Variants in SUMF1 observed in about 807,000 individuals in gnomAD.
SUMF1 encodes the protein sulfatase modifying factor 1, also known as formylglycine-generating enzyme.
SUMF1 carries 48 observed loss-of-function variants against 47.6 expected under a neutral mutation model. The ratio of observed to expected loss-of-function variants is 1.01; its 90% CI spans 0.80 to 1.28. SUMF1 has a LOEUF of 1.28. Among genes scored for constraint, SUMF1 ranks in the 50% most tolerant of loss-of-function variants. The pLI, the probability that SUMF1 is intolerant of heterozygous loss-of-function variation, is 0.00. For missense variants in SUMF1, 571 were observed against 485.4 expected (o/e 1.18, Z -1.66); for synonymous variants, 230 against 192.1 (o/e 1.20, Z -1.63).
At chr3:4,052,755 G>T (rs1559429455) in intron 9 of SUMF1, among the ~76,000 whole-genome samples, 1 of 152,124 alleles carries the variant, frequency 6.6e-6, no homozygotes, top group Non-Finnish European at 1.5e-5. Context: ...TTGTGGGTTT[G>T]GTCCTAGACC....
intron 8 of SUMF1, among the ~76,000 whole-genome samples, chr3:4,354,277 A>G (rs1340968197): frequency 2.0e-5 from 3 of 152,218 alleles, no homozygotes; most frequent in Non-Finnish European, 2.9e-5. Flanking sequence ...TACCCAAACA[A>G]CTATTCTCTA....
At chr3:4,344,002 T>C (rs1342509699) in intron 8 of SUMF1, among the ~76,000 whole-genome samples, 1 of 152,198 alleles carries the variant, frequency 6.6e-6, no homozygotes, top group Non-Finnish European at 1.5e-5. Context: ...CAAAATAAAT[T>C]AAATGAATAG....
chr3:4,380,658 C>T (rs1388662677), intron 7 of SUMF1, among the ~76,000 whole-genome samples: 3 of 152,156 alleles, frequency 2.0e-5, no homozygotes, highest in Non-Finnish European at 2.9e-5. Context: ...CAGGAACCAT[C>T]GTGAATCCTG....
At chr3:4,041,422 C>A (rs773274877) in intron 9 of SUMF1, among the ~76,000 whole-genome samples, 5 of 152,156 alleles carry the variant, frequency 3.3e-5, no homozygotes, top group Admixed American at 6.6e-5. Flanking sequence ...ATTTCCCTTT[C>A]ACGTTCACCT....
At chr3:4,379,749 G>C (rs1035304412) in intron 7 of SUMF1, among the ~76,000 whole-genome samples, 1 of 149,962 alleles carries the variant, frequency 6.7e-6, no homozygotes, top group Admixed American at 6.8e-5. Flanking sequence ...GGCTGAGGCA[G>C]GAGAATCACT....
At chr3:4,273,757 G>A (rs1293627615) in intron 8 of SUMF1, among the ~76,000 whole-genome samples, 1 of 98,408 alleles carries the variant, frequency 1.0e-5, no homozygotes, top group African/African-American at 4.9e-5. Context: ...GGGAGGATAC[G>A]GGAGGGGAGG....
At chr3:4,422,588 T>C (rs1701936600) in intron 3 of SUMF1, among the ~76,000 whole-genome samples, 1 of 152,086 alleles carries the variant, frequency 6.6e-6, no homozygotes, top group African/African-American at 2.4e-5. Flanking sequence ...GTACTGCTTC[T>C]ATCAATATTC....
At chr3:4,256,845 G>A (rs1412281217) in intron 8 of SUMF1, among the ~76,000 whole-genome samples, 1 of 141,472 alleles carries the variant, frequency 7.1e-6, no homozygotes, top group South Asian at 2.4e-4. Flanking sequence ...GATGAACATT[G>A]ATGCAAAAAT....
At chr3:4,449,473 G>A in intron 2 of SUMF1, 133 bp from the exon 3 acceptor site, 1 of 901,646 alleles carries the variant, frequency 1.1e-6, no homozygotes, top group Non-Finnish European at 1.8e-6. Context: ...TGACTTCCCA[G>A]AGGACTCAGA....
At chr3:4,366,467 C>A (rs527916690) in intron 8 of SUMF1, among the ~76,000 whole-genome samples, 1 of 151,636 alleles carries the variant, frequency 6.6e-6, no homozygotes, top group South Asian at 2.1e-4. Flanking sequence ...TCATTCATTT[C>A]ATCTTCCATC....
At chr3:4,407,458 T>A (rs1701411261) in intron 7 of SUMF1, among the ~76,000 whole-genome samples, 1 of 152,164 alleles carries the variant, frequency 6.6e-6, no homozygotes, top group Non-Finnish European at 1.5e-5. Context: ...ATATTTTGGT[T>A]GTAAACGTTC....
At chr3:4,299,399 G>C (rs1269496835) in intron 8 of SUMF1, among the ~76,000 whole-genome samples, 1 of 152,232 alleles carries the variant, frequency 6.6e-6, no homozygotes, top group East Asian at 1.9e-4. Context: ...AATGCCAAGT[G>C]TGGCCAGTGA....
intron 3 of SUMF1, among the ~76,000 whole-genome samples, chr3:4,420,397 A>ATTTT (rs35849841): frequency 2.5e-4 from 35 of 140,838 alleles, no homozygotes; most frequent in African/African-American, 7.6e-4. Context: ...ATCTATAAGA[A>ATTTT]TTTTTTTTTT....
intron 8 of SUMF1, among the ~76,000 whole-genome samples, chr3:4,278,249 A>G (rs1458020739): frequency 6.6e-6 from 1 of 152,126 alleles, no homozygotes; most frequent in Non-Finnish European, 1.5e-5. Context: ...ATCAATAATT[A>G]TCAGTGAAGT....
intron 8 of SUMF1, among the ~76,000 whole-genome samples, chr3:4,167,368 G>C (rs758693402): frequency 6.6e-6 from 1 of 152,038 alleles, no homozygotes. Flanking sequence ...TCCTCCCTGT[G>C]ACTGGCTACT....
intron 8 of SUMF1, chr3:4,313,404 C>G: frequency 6.2e-7 from 1 of 1,613,876 alleles, no homozygotes; most frequent in Non-Finnish European, 8.5e-7. Flanking sequence ...TTGGAAGATT[C>G]CTTAATCATT....
chr3:4,217,478 C>T (rs1352379201), intron 8 of SUMF1, among the ~76,000 whole-genome samples: 2 of 94,092 alleles, frequency 2.1e-5, no homozygotes, highest in South Asian at 4.5e-4. Context: ...CAAAACTTCA[C>T]GTTGTACACA....
intron 8 of SUMF1, among the ~76,000 whole-genome samples, chr3:4,193,684 T>C (rs1212556648): frequency 1.3e-5 from 2 of 152,130 alleles, no homozygotes; most frequent in Non-Finnish European, 2.9e-5. Flanking sequence ...CTGAGAATAA[T>C]TCCAAAGCAG....
chr3:4,312,769 G>T, intron 8 of SUMF1: 1 of 1,049,068 alleles, frequency 9.5e-7, no homozygotes. Context: ...TTAGTATGCT[G>T]TGTTTTGACA....
Sources: allele counts gnomAD v4.1 joint callset (sites outside exome capture counted in the v4.1 genomes callset), GRCh38; gene constraint gnomAD v4.1.1; transcripts MANE v1.5; gene names NCBI Gene and HGNC (gene_info 2026-07-23, HGNC 2026-07-21).